HMGCS2: variants seen among roughly 807,000 people sequenced by gnomAD.
HMGCS2 encodes hydroxymethylglutaryl-CoA synthase, mitochondrial.
HMGCS2 carries 50 observed loss-of-function variants against 57.4 expected under a neutral mutation model. The ratio of observed to expected loss-of-function variants is 0.87; its 90% CI spans 0.69 to 1.10. HMGCS2 has a LOEUF of 1.10. Ranked by LOEUF, HMGCS2 falls within the 50% of genes least tolerant of loss-of-function variation. The probability of loss-of-function intolerance (pLI) is 0.00; values close to 1 mark genes in which losing one functional copy is unlikely to be tolerated. For synonymous variants in HMGCS2, 254 were observed against 245.1 expected (o/e 1.04, Z -0.34); for missense variants, 627 against 636.5 (o/e 0.99, Z 0.16).
chr1:119,756,033 G>A (rs940764093), intron 5 of HMGCS2, among the ~76,000 whole-genome samples: 4 of 152,092 alleles, frequency 2.6e-5, no homozygotes, highest in South Asian at 4.1e-4. Flanking sequence ...ACACTACAGC[G>A]AATAGGTAGG....
At chr1:119,762,985 A>T (rs587714933) in intron 2 of HMGCS2, among the ~76,000 whole-genome samples, 1 of 152,236 alleles carries the variant, frequency 6.6e-6, no homozygotes, top group African/African-American at 2.4e-5. Context: ...GGTTGGACAT[A>T]TCAGTGGTGG....
Position 119,759,168 on chromosome 1 carries a change from T to C in HMGCS2, c.800A>G (p.Asp267Gly). 1 of 1,614,194 alleles carries C rather than the reference T, an allele frequency of 6.2e-7. No homozygotes were observed. Among genetic ancestry groups the C allele is most frequent in the Non-Finnish European group, 8.5e-7 (1 of 1,180,038 alleles). ...LSIQCYLRAL[D>G]RCYTSYRKKI... ...TTTACGGTATGATGTGTAACATCGA[T>C]CCAAGGCCCGCAAGTAGCACTGGAT... Residue 267 changes from aspartate to glycine, a missense_variant, in exon 4 of 10, where the codon GAT (aspartate) becomes GGT (glycine). Transcript: ENST00000369406.
At chr1:119,762,194 T>C (rs1306308126) in intron 2 of HMGCS2, among the ~76,000 whole-genome samples, 1 of 152,184 alleles carries the variant, frequency 6.6e-6, no homozygotes, top group Non-Finnish European at 1.5e-5. Context: ...AAGAATCAGA[T>C]AGACCTTACA....
chr1:119,766,371 C>T (rs780766221), intron 1 of HMGCS2, among the ~76,000 whole-genome samples: 12 of 152,274 alleles, frequency 7.9e-5, no homozygotes, highest in South Asian at 2.1e-4. Flanking sequence ...CTCCATTCTA[C>T]GGGAGCTGGA....
At chr1:119,758,832 C>T (rs987689798) in intron 4 of HMGCS2, among the ~76,000 whole-genome samples, 1 of 152,268 alleles carries the variant, frequency 6.6e-6, no homozygotes, top group Non-Finnish European at 1.5e-5. Flanking sequence ...TTAACACCAT[C>T]TTCTCAGGTG....
At chr1:119,756,958 G>T (rs1422035542) in intron 5 of HMGCS2, among the ~76,000 whole-genome samples, 1 of 134,746 alleles carries the variant, frequency 7.4e-6, no homozygotes, top group Admixed American at 7.3e-5. Flanking sequence ...TTGACTGAAT[G>T]ATTTAGCTAC....
Position 119,768,746 on chromosome 1 carries a change from G to A in HMGCS2, c.99C>T (p.His33=). Residue 33 remains histidine (H), a synonymous_variant, in exon 1 of 10, where the codon CAC becomes CAT. Coordinates refer to ENST00000369406, the MANE Select transcript of HMGCS2 (RefSeq NM_005518.4). ...LTPARLLPVA[H]QRFSTASAVP... is the part of the protein sequence containing the mutation. Reference sequence around the variant, plus strand: ...CTTCTCAGAAAGTGACTCACCTTTGGTGGGCTACTGGGAGCAGGCGAGCAG... The same window carrying A: ...CTTCTCAGAAAGTGACTCACCTTTGATGGGCTACTGGGAGCAGGCGAGCAG... The A allele has an allele frequency of 6.2e-7, 1 of 1,611,254 alleles. No homozygotes were observed. The highest frequency in any genetic ancestry group is 1.1e-5 in the South Asian group (1 of 91,040).
At chr1:119,766,818 C>A (rs3790694) in intron 1 of HMGCS2, among the ~76,000 whole-genome samples, 53,453 of 151,846 alleles carry the variant, frequency 0.35, 9,868 homozygotes, top group Non-Finnish European at 0.41. Context: ...ACTTTTGTAG[C>A]TGTCTTGGTG....
intron 4 of HMGCS2, among the ~76,000 whole-genome samples, chr1:119,758,064 A>G (rs1007940013): frequency 3.9e-5 from 6 of 152,234 alleles, no homozygotes; most frequent in Admixed American, 3.9e-4. Flanking sequence ...GTGGTGTCCC[A>G]CCCACTGCAG....
At chr1:119,754,912 C>T (rs748828619) in intron 6 of HMGCS2, among the ~76,000 whole-genome samples, 2 of 152,228 alleles carry the variant, frequency 1.3e-5, no homozygotes, top group Non-Finnish European at 2.9e-5. Context: ...ACTTTGGAGA[C>T]CACTGTCTGA....
chr1:119,763,875 C>T (rs1653121722), intron 2 of HMGCS2, among the ~76,000 whole-genome samples: 1 of 152,170 alleles, frequency 6.6e-6, no homozygotes, highest in Non-Finnish European at 1.5e-5. Context: ...GCATTTTTGC[C>T]TCTGCCACTC....
intron 1 of HMGCS2, among the ~76,000 whole-genome samples, chr1:119,767,931 T>C (rs781365039): frequency 2.6e-5 from 4 of 152,226 alleles, no homozygotes; most frequent in Non-Finnish European, 4.4e-5. Flanking sequence ...TGCATTTGCC[T>C]CTACCATGCA....
rs1652518749 is a variant in HMGCS2, at chr1:119,748,054, G to C, written c.*793C>G. On this transcript the variant is annotated 3_prime_UTR_variant, in exon 10 of 10. Transcript: ENST00000369406. The stretch of plus-strand genomic sequence containing the variant: ...AGAAGGCAAAAACTTGTTAACCTTT[G>C]CGCTGTGTTTATTTGTTCAAATAAC... 1 of 152,166 alleles carries C rather than the reference G, an allele frequency of 6.6e-6. No homozygotes were observed. Among genetic ancestry groups the C allele is most frequent in the Non-Finnish European group, 1.5e-5 (1 of 68,020 alleles). The allele number at this position is 152,166 out of a possible 1,614,324, so 9.4% of individuals were successfully genotyped here. A position where few individuals can be genotyped will look rare whatever the true frequency, so the allele number is the denominator to read the frequency against.
intron 7 of HMGCS2, 142 bp from the exon 8 acceptor site, chr1:119,752,816 A>C: frequency 1.1e-6 from 1 of 918,766 alleles, no homozygotes; most frequent in Non-Finnish European, 1.8e-6. Flanking sequence ...AATACCAAGA[A>C]ATGATAAGCA....
chr1:119,767,932 C>G (rs1653291027), intron 1 of HMGCS2, among the ~76,000 whole-genome samples: 1 of 152,200 alleles, frequency 6.6e-6, no homozygotes, highest in South Asian at 2.1e-4. Context: ...GCATTTGCCT[C>G]TACCATGCAC....
At chr1:119,755,960 G>A (rs1314343123) in intron 5 of HMGCS2, among the ~76,000 whole-genome samples, 1 of 152,060 alleles carries the variant, frequency 6.6e-6, no homozygotes, top group East Asian at 1.9e-4. Flanking sequence ...GCTGAAGAAT[G>A]GTCCATGACA....
chr1:119,762,448 T>TA (rs11341631), intron 2 of HMGCS2, among the ~76,000 whole-genome samples: 183 of 149,468 alleles, frequency 1.2e-3, no homozygotes, highest in Non-Finnish European at 1.6e-3. Flanking sequence ...TATTTTCATT[T>TA]AAAAAAAAAA....
chr1:119,753,546 C>T (rs771851167), intron 6 of HMGCS2, among the ~76,000 whole-genome samples, 160 bp from the exon 7 acceptor site: 6 of 152,216 alleles, frequency 3.9e-5, no homozygotes, highest in African/African-American at 1.2e-4. Context: ...AAATGGGTTC[C>T]AGGCACCCTA....
At chr1:119,752,716 A>C in intron 7 of HMGCS2, 42 bp from the exon 8 acceptor site, 1 of 1,611,410 alleles carries the variant, frequency 6.2e-7, no homozygotes, top group East Asian at 2.2e-5. Flanking sequence ...TTTCATTGTC[A>C]TTATCACTAT....
Sources: gnomAD v4.1 joint callset for allele counts (sites outside exome capture counted in the v4.1 genomes callset) on GRCh38, gnomAD v4.1.1 for gene constraint, MANE v1.5 for transcripts, NCBI Gene and HGNC (gene_info 2026-07-23, HGNC 2026-07-21) for gene names.